DGKG: variants seen among roughly 807,000 people sequenced by gnomAD.
DGKG encodes the protein diacylglycerol kinase gamma, also known as DAG kinase gamma.
A neutral mutation model predicts 105.3 loss-of-function variants in DGKG; 78 were observed. The observed-to-expected ratio is 0.74, with a 90% CI of 0.62 to 0.89. The LOEUF (loss-of-function observed/expected upper bound fraction) is 0.89. Ranked by LOEUF, DGKG falls within the 40% of genes least tolerant of loss-of-function variation. The pLI, the probability that DGKG is intolerant of heterozygous loss-of-function variation, is 0.00. For synonymous variants in DGKG, 346 were observed against 367.1 expected (o/e 0.94, Z 0.66); for missense variants, 958 against 1,020.1 (o/e 0.94, Z 0.83).
chr3:186,148,980 T>TAA lies in DGKG; in HGVS notation c.*1109_*1110insTT. 1 of 677,128 alleles carries TAA rather than the reference T, an allele frequency of 1.5e-6. No individual in the cohort carries two copies. Among genetic ancestry groups the TAA allele is most frequent in the Non-Finnish European group, 1.8e-6 (1 of 554,090 alleles). 41.9% of individuals were successfully genotyped at this position (677,128 alleles called of 1,614,324 possible). A position where few individuals can be genotyped will look rare whatever the true frequency, so the allele number is the denominator to read the frequency against. Reference sequence around the variant, plus strand: ...ATATTTATATATATATATATATAAATATATAGGCTAAATATATATATATAC... The same window carrying TAA: ...ATATTTATATATATATATATATAAATAAATATAGGCTAAATATATATATATAC... On this transcript the variant is annotated 3_prime_UTR_variant, in exon 25 of 25. Coordinates refer to ENST00000265022, the MANE Select transcript of DGKG (RefSeq NM_001346.3).
Position 186,221,028 on chromosome 3 carries a change from C to T in DGKG, c.1827-9143G>A, listed in dbSNP as rs535672984. Among the ~76,000 whole-genome samples, 7 of 152,294 alleles carry T rather than the reference C, an allele frequency of 4.6e-5. 1 individual carries two copies. Among genetic ancestry groups the T allele is most frequent in the Admixed American group, 4.6e-4 (7 of 15,302 alleles). On this transcript the variant is annotated intron_variant, in intron 20 of 24. Transcript: ENST00000265022. Reference sequence around the variant, plus strand: ...ACACAAGGACACACGTGTGCACGTGCGGGCACACACACAGGCCGCAACAAG... The same window carrying T: ...ACACAAGGACACACGTGTGCACGTGTGGGCACACACACAGGCCGCAACAAG...
chr3:186,172,709 A>G lies in DGKG; in HGVS notation c.2096-7691T>C, dbSNP rs190830770. On this transcript the variant is annotated intron_variant, in intron 22 of 24. Coordinates refer to ENST00000265022, the MANE Select transcript of DGKG (RefSeq NM_001346.3). ...GTCACTACTTAATAAATAGCCACTG[A>G]TAGAAAAACTGTAGTCACAGAGGTA... is the stretch of plus-strand genomic sequence containing the variant. 4.5e-4 allele frequency among the ~76,000 whole-genome samples: 68 copies of G among 152,384 alleles called. No homozygotes were observed. In the Middle Eastern group the frequency reaches 0.01, roughly 23 times the overall value.
intron 22 of DGKG, among the ~76,000 whole-genome samples, chr3:186,184,208 C>T (rs1717504627): frequency 6.6e-6 from 1 of 151,946 alleles, no homozygotes; most frequent in African/African-American, 2.4e-5. Context: ...ATTATTATGC[C>T]AGTTTTACAG....
intron 9 of DGKG, among the ~76,000 whole-genome samples, chr3:186,278,168 G>T (rs979664918): frequency 6.6e-6 from 1 of 152,000 alleles, no homozygotes; most frequent in Admixed American, 6.6e-5. Flanking sequence ...CAAAGAGTTG[G>T]TGGTATTTTG....
intron 20 of DGKG, among the ~76,000 whole-genome samples, chr3:186,232,262 T>C (rs1003488148): frequency 1.4e-4 from 21 of 152,228 alleles, no homozygotes; most frequent in Non-Finnish European, 1.5e-5. Flanking sequence ...AGCTCCTTTC[T>C]ATCACCTTCC....
At chr3:186,294,596 A>G (rs991883076) in intron 5 of DGKG, among the ~76,000 whole-genome samples, 1 of 151,426 alleles carries the variant, frequency 6.6e-6, no homozygotes, top group Non-Finnish European at 1.5e-5. Context: ...GCTTTTTACC[A>G]CTGAGTTTCT....
chr3:186,261,874 A>T, intron 14 of DGKG, 96 bp from the exon 15 acceptor site: 2 of 747,102 alleles, frequency 2.7e-6, no homozygotes, highest in Non-Finnish European at 4.4e-6. Flanking sequence ...GAGGCAGATG[A>T]GAAGCAGGAG....
intron 1 of DGKG, among the ~76,000 whole-genome samples, chr3:186,328,934 C>G (rs1725476033): frequency 6.6e-6 from 1 of 152,122 alleles, no homozygotes; most frequent in African/African-American, 2.4e-5. Context: ...CATTGCCTGA[C>G]TCTCCAGATG....
Position 186,361,547 on chromosome 3 carries a change from G to A in DGKG, c.-249+399C>T, listed in dbSNP as rs570875556. On this transcript the variant is annotated intron_variant, in intron 1 of 24. Coordinates refer to ENST00000265022, the MANE Select transcript of DGKG (RefSeq NM_001346.3). The surrounding 1 kb of genome is among the most constrained non-coding windows in gnomAD (Gnocchi z 6.8). ...CTTTGGCGGCCAGACATTAGGAAAA[G>A]CATCTCCTGCTTCTCGGACTGCCTG... Among the ~76,000 whole-genome samples, 1 of 152,344 alleles carries A rather than the reference G, an allele frequency of 6.6e-6. No homozygotes were observed. The highest frequency in any genetic ancestry group is 2.1e-4 in the South Asian group (1 of 4,824).
intron 21 of DGKG, among the ~76,000 whole-genome samples, chr3:186,195,149 A>G (rs1199168135): frequency 6.6e-6 from 1 of 152,126 alleles, no homozygotes; most frequent in Non-Finnish European, 1.5e-5. Flanking sequence ...GAAAGCAGAG[A>G]GTATAATAAA....
chr3:186,187,105 C>T (rs981963693), intron 22 of DGKG, among the ~76,000 whole-genome samples: 6 of 152,162 alleles, frequency 3.9e-5, no homozygotes, highest in South Asian at 2.1e-4. Context: ...CTCTAGGCCA[C>T]GTGATCTTTG....
In DGKG at chr3:186,196,402, G is replaced by T. The variant is rs543624607; in HGVS notation, c.1918-8023C>A. Among the ~76,000 whole-genome samples the T allele has an allele frequency of 2.0e-5, 3 of 152,198 alleles. No homozygotes were observed. In the East Asian group the frequency reaches 5.8e-4, roughly 29 times the overall value. On this transcript the variant is annotated intron_variant, in intron 21 of 24. Coordinates refer to ENST00000265022, the MANE Select transcript of DGKG (RefSeq NM_001346.3). ...GTTCCACCTGCCTTGGCCTCCCAAA[G>T]TTCTGGGATTACAGGCATGAGCCAC... is the stretch of plus-strand genomic sequence containing the variant.
intron 20 of DGKG, among the ~76,000 whole-genome samples, chr3:186,236,329 T>C (rs764649394): frequency 9.9e-5 from 15 of 152,248 alleles, no homozygotes; most frequent in Non-Finnish European, 2.1e-4. Context: ...CCTTTTATTG[T>C]CAATACTTTA....
chr3:186,273,165 T>G (rs1722399746), intron 10 of DGKG, among the ~76,000 whole-genome samples: 1 of 152,174 alleles, frequency 6.6e-6, no homozygotes, highest in South Asian at 2.1e-4. Context: ...CAGGGATTGT[T>G]GCAGTAGTAC....
chr3:186,322,051 G>A (rs1028676830), intron 1 of DGKG, among the ~76,000 whole-genome samples: 18 of 152,054 alleles, frequency 1.2e-4, no homozygotes, highest in Non-Finnish European at 1.9e-4. Context: ...CTTTGCCATG[G>A]CAGAAAACTT....
chr3:186,271,768 G>A (rs1051530265), intron 11 of DGKG, among the ~76,000 whole-genome samples: 2 of 152,084 alleles, frequency 1.3e-5, no homozygotes, highest in African/African-American at 2.4e-5. Context: ...TATGAATCCC[G>A]GAATAAGCCG....
chr3:186,309,055 C>T (rs925099481), intron 2 of DGKG, among the ~76,000 whole-genome samples: 4 of 152,110 alleles, frequency 2.6e-5, no homozygotes, highest in Non-Finnish European at 4.4e-5. Flanking sequence ...ACTATAGCTT[C>T]CTAAACATTT....
chr3:186,171,358 C>CAAT (rs759860968), intron 22 of DGKG, among the ~76,000 whole-genome samples: 20 of 152,002 alleles, frequency 1.3e-4, no homozygotes, highest in Non-Finnish European at 2.5e-4. Context: ...AGATAATAAT[C>CAAT]AATAATAATA....
intron 21 of DGKG, among the ~76,000 whole-genome samples, chr3:186,193,556 C>A (rs546929373): frequency 6.6e-6 from 1 of 152,248 alleles, no homozygotes; most frequent in Non-Finnish European, 1.5e-5. Flanking sequence ...CCTTGGCAAG[C>A]GCACGCCTGC....
Sources: allele counts gnomAD v4.1 joint callset (sites outside exome capture counted in the v4.1 genomes callset), GRCh38; gene constraint gnomAD v4.1.1; non-coding constraint Gnocchi (gnomAD v3.1); transcripts MANE v1.5; gene names NCBI Gene and HGNC (gene_info 2026-07-23, HGNC 2026-07-21).